Variants in CFAP20DC observed in about 807,000 individuals in gnomAD.
CFAP20DC encodes the protein protein CFAP20DC.
A neutral mutation model predicts 101.7 loss-of-function variants in CFAP20DC; 84 were observed. The observed-to-expected ratio is 0.83, with a 90% CI of 0.69 to 0.99. The LOEUF (loss-of-function observed/expected upper bound fraction) is 0.99, where lower values mean the gene tolerates loss of function less well. Ranked by LOEUF, CFAP20DC falls within the 50% of genes least tolerant of loss-of-function variation. The probability of loss-of-function intolerance (pLI) is 0.00; values close to 1 mark genes in which losing one functional copy is unlikely to be tolerated. For synonymous variants in CFAP20DC, 359 were observed against 351.2 expected, an observed-to-expected ratio of 1.02 and a Z score of -0.25; for missense variants, 1,007 against 970.3, an observed-to-expected ratio of 1.04 and a Z score of -0.50.
In CFAP20DC at chr3:58,882,394, G is replaced by A. The variant is rs1388812140; in HGVS notation, c.715+2151C>T. Among the ~76,000 whole-genome samples the A allele has an allele frequency of 1.3e-5, 2 of 151,888 alleles. No individual in the cohort carries two copies. Among genetic ancestry groups the A allele is most frequent in the Admixed American group, 6.6e-5 (1 of 15,250 alleles). Reference sequence around the variant, plus strand: ...AATTGAAAAAGACACTTAAAATATCGGGATATAGACTTGCACTTTCATTTA... The same window carrying A: ...AATTGAAAAAGACACTTAAAATATCAGGATATAGACTTGCACTTTCATTTA... On this transcript the variant is annotated intron_variant, in intron 7 of 16. Transcript: ENST00000482387. This position sits in a 1 kb window ranked among gnomAD's most constrained non-coding sequence, Gnocchi z 4.2.
At chr3:58,852,528 G>A (rs1274583008) in intron 12 of CFAP20DC, among the ~76,000 whole-genome samples, 1 of 152,100 alleles carries the variant, frequency 6.6e-6, no homozygotes, top group East Asian at 1.9e-4. Context: ...CAAATCAACA[G>A]AATACACATT....
At position 58,971,417 on chromosome 3, in the gene CFAP20DC, G is replaced by A. The variant is rs989589528; in HGVS notation, c.279-33655C>T. On this transcript the variant is annotated intron_variant, in intron 4 of 16. Transcript: ENST00000482387. The surrounding 1 kb of genome is among the most constrained non-coding windows in gnomAD (Gnocchi z 4.1). Reference sequence around the variant, plus strand: ...CTGTCAAATGTTTTAAAATATCTCCGACATTCACTCTTTAGATCTTTCTAT... The same window carrying A: ...CTGTCAAATGTTTTAAAATATCTCCAACATTCACTCTTTAGATCTTTCTAT... Among the ~76,000 whole-genome samples the A allele has an allele frequency of 2.6e-5, 4 of 152,004 alleles. No homozygotes were observed. The highest frequency in any genetic ancestry group is 9.7e-5 in the African/African-American group (4 of 41,386).
At chr3:58,916,690 G>A (rs2084761987) in intron 5 of CFAP20DC, among the ~76,000 whole-genome samples, 1 of 151,976 alleles carries the variant, frequency 6.6e-6, no homozygotes, top group African/African-American at 2.4e-5. Flanking sequence ...AGATGGGGGT[G>A]GTTTCTAAAA....
chr3:58,768,472 G>A (rs759512710), intron 15 of CFAP20DC, among the ~76,000 whole-genome samples: 4 of 152,096 alleles, frequency 2.6e-5, no homozygotes, highest in South Asian at 2.1e-4. Flanking sequence ...TCCATGTGGC[G>A]ATGTGCTGGA....
chr3:58,759,327 A>G (rs2069294463), intron 15 of CFAP20DC, among the ~76,000 whole-genome samples: 1 of 152,186 alleles, frequency 6.6e-6, no homozygotes, highest in Non-Finnish European at 1.5e-5. Context: ...TTGGCTGCAT[A>G]AATGTCTTCT....
chr3:58,920,617 T>C (rs2085259331), intron 5 of CFAP20DC, among the ~76,000 whole-genome samples: 1 of 152,180 alleles, frequency 6.6e-6, no homozygotes, highest in Non-Finnish European at 1.5e-5. Context: ...TCCCCCTTTA[T>C]TATGCTAATG....
At chr3:58,751,138 T>C (rs1575546552) in intron 16 of CFAP20DC, among the ~76,000 whole-genome samples, 1 of 152,258 alleles carries the variant, frequency 6.6e-6, no homozygotes, top group East Asian at 1.9e-4. Flanking sequence ...GAATCTAATA[T>C]ATGCTGGAAT....
At chr3:58,944,878 G>A (rs1380629353) in intron 4 of CFAP20DC, among the ~76,000 whole-genome samples, 1 of 152,102 alleles carries the variant, frequency 6.6e-6, no homozygotes, top group East Asian at 1.9e-4. Flanking sequence ...CTACTGAAAT[G>A]TGTTAATTCG....
downstream of CFAP20DC, among the ~76,000 whole-genome samples, chr3:58,740,528 C>T (rs2067857859): frequency 6.6e-6 from 1 of 152,122 alleles, no homozygotes; most frequent in South Asian, 2.1e-4. This position sits in a 1 kb window ranked among gnomAD's most constrained non-coding sequence, Gnocchi z 4.6. Context: ...TTCAGCAAGT[C>T]TTTGAATTCT....
chr3:58,876,475 T>C (rs1449778368), intron 7 of CFAP20DC, among the ~76,000 whole-genome samples: 2 of 152,092 alleles, frequency 1.3e-5, no homozygotes, highest in African/African-American at 2.4e-5. Flanking sequence ...ATATGCATAA[T>C]ATAAGGTTAA....
chr3:58,817,690 AATGGAACCAAGTTGGAAAAC>A lies in CFAP20DC; in HGVS notation c.2176-11254_2176-11235del, dbSNP rs1462272660. On this transcript the variant is annotated intron_variant, in intron 14 of 16. Coordinates refer to ENST00000482387, the MANE Select transcript of CFAP20DC (RefSeq NM_001394063.1). ...TGGTGTACCTGAAAGTGATGGGGAG[AATGGAACCAAGTTGGAAAAC>A]ACTCTGCAGGATATTATCCAGGAGA... 4.0e-5 allele frequency among the ~76,000 whole-genome samples: 6 copies of A among 149,500 alleles called. No homozygotes were observed. In the South Asian group the frequency reaches 1.3e-3, roughly 32 times the overall value.
At chr3:59,018,872 A>C (rs1483806687) in intron 4 of CFAP20DC, 1 of 152,138 alleles carries the variant, frequency 6.6e-6, no homozygotes, top group Non-Finnish European at 1.5e-5. Flanking sequence ...TGAAGTGTTT[A>C]ATAAAGGAGT....
At position 58,946,390 on chromosome 3, in the gene CFAP20DC, T is replaced by C. The variant is rs2089367671; in HGVS notation, c.279-8628A>G. On this transcript the variant is annotated intron_variant, in intron 4 of 16. Coordinates refer to ENST00000482387, the MANE Select transcript of CFAP20DC (RefSeq NM_001394063.1). ...CCTTGGCCTCCCAAAGTGCTGGGAT[T>C]ACAGCGTGGGCCACCCAACCCAGCC... Among the ~76,000 whole-genome samples the C allele has an allele frequency of 2.0e-5, 3 of 152,180 alleles. No homozygotes were observed. In the South Asian group the frequency reaches 6.2e-4, roughly 31 times the overall value.
chr3:59,010,165 T>C (rs570803554), intron 4 of CFAP20DC, among the ~76,000 whole-genome samples: 135 of 152,094 alleles, frequency 8.9e-4, no homozygotes, highest in African/African-American at 3.2e-3. Context: ...ACAAGGTCTT[T>C]AGGCAACAGC....
intron 5 of CFAP20DC, among the ~76,000 whole-genome samples, chr3:58,931,176 A>T (rs149302961): frequency 0.037 from 5,557 of 152,202 alleles, 123 homozygotes; most frequent in Non-Finnish European, 0.055. Flanking sequence ...ATGCTAGCAC[A>T]GCAGTCTGAG....
intron 4 of CFAP20DC, among the ~76,000 whole-genome samples, chr3:59,016,136 CA>C (rs1318691478): frequency 6.6e-6 from 1 of 151,950 alleles, no homozygotes; most frequent in East Asian, 1.9e-4. Flanking sequence ...AAGTGTCCAT[CA>C]ATGAATGAAT....
intron 6 of CFAP20DC, 113 bp from the exon 7 acceptor site, chr3:58,884,822 G>A (rs994428580): frequency 2.6e-5 from 22 of 862,620 alleles, no homozygotes; most frequent in Admixed American, 5.6e-5. Flanking sequence ...GACTTTGTAC[G>A]AGTTATTCAA....
chr3:58,905,318 C>T (rs965011299), intron 6 of CFAP20DC, among the ~76,000 whole-genome samples: 6 of 152,134 alleles, frequency 3.9e-5, no homozygotes, highest in African/African-American at 7.2e-5. Context: ...TTTTTCTCCT[C>T]TTTCTCTTAT....
rs574642988 is a variant in CFAP20DC at position 58,809,122 on chromosome 3, T to G, written c.2176-2666A>C. ...CTCCCACACAATAATAATGGGAGAC[T>G]TTAGCACCCCACTGTCAACATTAGA... On this transcript the variant is annotated intron_variant, in intron 14 of 16. Transcript: ENST00000482387. Among the ~76,000 whole-genome samples, 1,016 of 152,214 alleles carry G rather than the reference T, an allele frequency of 6.7e-3. 15 individuals carry two copies. The highest frequency in any genetic ancestry group is 0.023 in the African/African-American group (961 of 41,530).
Sources: allele counts gnomAD v4.1 joint callset (sites outside exome capture counted in the v4.1 genomes callset), GRCh38; gene constraint gnomAD v4.1.1; non-coding constraint Gnocchi (gnomAD v3.1); transcripts MANE v1.5; gene names NCBI Gene and HGNC (gene_info 2026-07-23, HGNC 2026-07-21).